Variants in ZBTB1 observed in about 807,000 individuals in gnomAD.
ZBTB1 encodes zinc finger and BTB domain containing 1, also known as zinc finger and BTB domain-containing protein 1.
A neutral mutation model predicts 51.6 loss-of-function variants in ZBTB1; 13 were observed. The ratio of observed to expected loss-of-function variants is 0.25; its 90% CI spans 0.16 to 0.40. ZBTB1 has a LOEUF of 0.40. Among genes scored for constraint, ZBTB1 ranks in the 10% least tolerant of loss-of-function variants. The pLI, the probability that ZBTB1 is intolerant of heterozygous loss-of-function variation, is 1.00. For synonymous variants in ZBTB1, 240 were observed against 282.2 expected, an observed-to-expected ratio of 0.85 and a Z score of 1.50; for missense variants, 567 against 856.5, an observed-to-expected ratio of 0.66 and a Z score of 4.22.
rs557873524 is a variant in ZBTB1 at position 64,521,399 on chromosome 14, T to C, written c.-18-88T>C. On this transcript the variant is annotated intron_variant, in intron 1 of 1. Transcript: ENST00000683701. ...CTTAATTTCTTGATTGTAATAGCAGTCATGCAAGTCACAAATCATGATAAA... is the reference window on the plus strand; with the variant it reads ...CTTAATTTCTTGATTGTAATAGCAGCCATGCAAGTCACAAATCATGATAAA... 66 of 914,834 alleles carry C rather than the reference T, an allele frequency of 7.2e-5. No individual in the cohort carries two copies. In the African/African-American group the frequency reaches 7.7e-4, roughly 11 times the overall value. The allele number at this position is 914,834 out of a possible 1,614,324, so 56.7% of individuals were successfully genotyped here.
upstream of ZBTB1, chr14:64,504,404 C>T (rs1398792121): frequency 6.5e-6 from 1 of 152,770 alleles, no homozygotes; most frequent in Non-Finnish European, 1.5e-5. Flanking sequence ...GGAAAGCAGC[C>T]TCGCATCCTG....
At chr14:64,508,165 T>G (rs956681627) in intron 1 of ZBTB1, among the ~76,000 whole-genome samples, 7 of 152,184 alleles carry the variant, frequency 4.6e-5, no homozygotes, top group Non-Finnish European at 8.8e-5. Flanking sequence ...AATTACAACA[T>G]TGGTTATTTG....
At chr14:64,530,458 T>A (rs1250936938) in intron 2 of ZBTB1, among the ~76,000 whole-genome samples, 3 of 151,982 alleles carry the variant, frequency 2.0e-5, no homozygotes, top group Admixed American at 2.0e-4. Flanking sequence ...ATACAAAAAA[T>A]TAGCCGGGAG....
exon 3 of ZBTB1, chr14:64,533,197 T>C (rs1037740854): frequency 3.3e-5 from 5 of 152,116 alleles, no homozygotes; most frequent in Non-Finnish European, 4.4e-5. Flanking sequence ...TGCAATGTGA[T>C]AGTGGGTAGA....
intron 1 of ZBTB1, chr14:64,518,559 A>G (rs934054169): frequency 9.8e-5 from 15 of 152,322 alleles, no homozygotes; most frequent in African/African-American, 3.6e-4. Context: ...GATAAAAAGC[A>G]AATAGAAGTA....
At position 64,523,455 on chromosome 14, in the gene ZBTB1, C is replaced by T. The variant is rs887694913; in HGVS notation, c.1951C>T (p.Arg651Trp). Residue 651 changes from arginine to tryptophan, a missense_variant, in exon 2 of 2, where the codon CGG becomes TGG. Transcript: ENST00000683701. The surrounding 1 kb of genome is among the most constrained non-coding windows in gnomAD (Gnocchi z 4.5). ...QGNFRKHDHVRHMISHLSAGE... is the reference protein window; with the variant it reads ...QGNFRKHDHVWHMISHLSAGE... Reference sequence around the variant, plus strand: ...AAACTTCAGAAAACATGACCATGTACGGCATATGATTTCTCATTTATCTGC... The same window carrying T: ...AAACTTCAGAAAACATGACCATGTATGGCATATGATTTCTCATTTATCTGC... 5 of 1,613,970 alleles carry T rather than the reference C, an allele frequency of 3.1e-6. No homozygotes were observed. The highest frequency in any genetic ancestry group is 3.4e-6 in the Non-Finnish European group (4 of 1,179,974).
At chr14:64,531,870 A>T (rs1284658802) in exon 3 of ZBTB1, 2 of 1,613,798 alleles carry the variant, frequency 1.2e-6, no homozygotes, top group Non-Finnish European at 8.5e-7. Context: ...GTGGTGAAAT[A>T]GGGCCTTCTA....
intron 2 of ZBTB1, among the ~76,000 whole-genome samples, chr14:64,531,680 G>A (rs538469246): frequency 1.3e-5 from 2 of 152,146 alleles, no homozygotes; most frequent in African/African-American, 2.4e-5. Flanking sequence ...AGTTACATTC[G>A]GGAAATAATT....
chr14:64,523,152 G>A lies in ZBTB1; in HGVS notation c.1648G>A (p.Val550Ile). 4 of 1,614,210 alleles carry A rather than the reference G, an allele frequency of 2.5e-6. No homozygotes were observed. Among genetic ancestry groups the A allele is most frequent in the Non-Finnish European group, 3.4e-6 (4 of 1,180,028 alleles). Residue 550 changes from valine (V) to isoleucine (I), a missense_variant, in exon 2 of 2, where the codon GTT becomes ATT. By Grantham distance (29) the Val-to-Ile change is conservative. Coordinates refer to ENST00000683701, the MANE Select transcript of ZBTB1 (RefSeq NM_001123329.2). The surrounding 1 kb of genome is among the most constrained non-coding windows in gnomAD (Gnocchi z 4.5). ...GQRFETENLV[V>I]EHMSSCLDQD... ...GCGTTTTGAAACTGAAAATCTAGTG[G>A]TTGAACATATGTCTAGCTGCTTAGA...
chr14:64,518,078 C>G (rs773366582), intron 1 of ZBTB1, among the ~76,000 whole-genome samples: 4 of 152,004 alleles, frequency 2.6e-5, no homozygotes, highest in Non-Finnish European at 5.9e-5. Context: ...CTCAGGTAAT[C>G]CGCCCACCTT....
At chr14:64,530,062 G>A (rs1340128667) in intron 2 of ZBTB1, among the ~76,000 whole-genome samples, 1 of 152,146 alleles carries the variant, frequency 6.6e-6, no homozygotes, top group South Asian at 2.1e-4. Flanking sequence ...TTTAAAAAAG[G>A]TTATTTAATG....
At chr14:64,530,198 T>A (rs1160803529) in intron 2 of ZBTB1, among the ~76,000 whole-genome samples, 1 of 152,236 alleles carries the variant, frequency 6.6e-6, no homozygotes, top group Non-Finnish European at 1.5e-5. Context: ...CAAATGTCAC[T>A]TTTCAAGTGA....
At chr14:64,525,079 C>A, downstream of ZBTB1, 2 of 339,328 alleles carry the variant, frequency 5.9e-6, no homozygotes, top group Non-Finnish European at 8.4e-6. Flanking sequence ...TTTTTGTTCA[C>A]ATCATATTTA....
chr14:64,531,649 A>T (rs1340023373), intron 2 of ZBTB1, among the ~76,000 whole-genome samples: 1 of 152,180 alleles, frequency 6.6e-6, no homozygotes, highest in Non-Finnish European at 1.5e-5. Context: ...TAATAAGAAC[A>T]TCTTATATTT....
intron 1 of ZBTB1, among the ~76,000 whole-genome samples, chr14:64,509,710 G>A (rs931467758): frequency 2.0e-5 from 3 of 151,636 alleles, no homozygotes; most frequent in African/African-American, 7.3e-5. Flanking sequence ...GGTGGCTCAC[G>A]CTTGTAATCC....
downstream of ZBTB1, among the ~76,000 whole-genome samples, chr14:64,529,326 T>G (rs577089321): frequency 5.7e-4 from 87 of 152,312 alleles, no homozygotes; most frequent in African/African-American, 2.0e-3. Context: ...TATGTTTTAA[T>G]CTCTCCCGCC....
chr14:64,531,396 TGC>T (rs1264764110), intron 2 of ZBTB1, among the ~76,000 whole-genome samples: 1 of 151,852 alleles, frequency 6.6e-6, no homozygotes, highest in African/African-American at 2.4e-5. Flanking sequence ...TATGTGTGTG[TGC>T]GTGTATGCTT....
intron 1 of ZBTB1, among the ~76,000 whole-genome samples, chr14:64,517,746 G>T: frequency 1.7e-5 from 2 of 118,712 alleles, no homozygotes. Flanking sequence ...TTCTGTAGTT[G>T]CCATTTAGAA....
exon 3 of ZBTB1, chr14:64,533,149 A>T (rs1333788871): frequency 6.6e-6 from 1 of 152,276 alleles, no homozygotes; most frequent in East Asian, 1.9e-4. Context: ...TATTCATTCT[A>T]ATAATTAGAC....
Sources: gnomAD v4.1 joint callset for allele counts (sites outside exome capture counted in the v4.1 genomes callset) on GRCh38, gnomAD v4.1.1 for gene constraint, Gnocchi (gnomAD v3.1) non-coding constraint, MANE v1.5 for transcripts, NCBI Gene and HGNC (gene_info 2026-07-23, HGNC 2026-07-21) for gene names.